The following ASTN1 variants were observed in gnomAD, a reference collection of about 807,000 sequenced individuals.
The protein encoded by ASTN1 is astrotactin 1, also known as astrotactin-1.
ASTN1 carries 41 observed loss-of-function variants against 140.7 expected under a neutral mutation model. The observed-to-expected ratio is 0.29, with a 90% CI of 0.23 to 0.38. ASTN1 has a LOEUF of 0.38. Among genes scored for constraint, ASTN1 ranks in the 10% least tolerant of loss-of-function variants. The pLI is 1.00. For missense variants in ASTN1, 1,479 were observed against 1,678.8 expected, an observed-to-expected ratio of 0.88 and a Z score of 2.08; for synonymous variants, 640 against 652.2, an observed-to-expected ratio of 0.98 and a Z score of 0.29.
intron 3 of ASTN1, 132 bp from the exon 4 acceptor site, chr1:177,031,084 T>C: frequency 1.0e-6 from 1 of 991,236 alleles, no homozygotes; most frequent in South Asian, 2.0e-5. Context: ...ACTGAGAGAC[T>C]GGCTGCAAGA....
intron 10 of ASTN1, 68 bp from the exon 11 acceptor site, chr1:176,957,896 A>C (rs906456828): frequency 2.6e-6 from 4 of 1,529,058 alleles, no homozygotes; most frequent in Non-Finnish European, 3.6e-6. Context: ...GTGGCATTAC[A>C]TTCCATGCTC....
chr1:176,952,014 G>C (rs964714078), intron 11 of ASTN1, among the ~76,000 whole-genome samples: 1 of 152,052 alleles, frequency 6.6e-6, no homozygotes, highest in East Asian at 1.9e-4. Context: ...ATCAGACTTC[G>C]GGCCTAGATT....
chr1:177,082,605 G>A (rs1486384627), intron 1 of ASTN1, among the ~76,000 whole-genome samples: 3 of 152,158 alleles, frequency 2.0e-5, no homozygotes, highest in Non-Finnish European at 4.4e-5. Context: ...TCAGCGCCAG[G>A]ATGTGGCCCT....
intron 1 of ASTN1, among the ~76,000 whole-genome samples, chr1:177,119,637 C>A (rs1290796859): frequency 6.6e-6 from 1 of 152,206 alleles, no homozygotes; most frequent in Non-Finnish European, 1.5e-5. Flanking sequence ...AACTTGAGGG[C>A]CAAAATGAAC....
chr1:176,900,283 TATATGTCCTACAG>T (rs1669709194), intron 16 of ASTN1, among the ~76,000 whole-genome samples: 2 of 152,132 alleles, frequency 1.3e-5, no homozygotes, highest in Admixed American at 6.6e-5. Context: ...GACATCTACT[TATATGTCCTACAG>T]ACACCTCAAA....
chr1:176,908,602 T>A (rs1670100068), intron 16 of ASTN1, among the ~76,000 whole-genome samples: 1 of 152,216 alleles, frequency 6.6e-6, no homozygotes, highest in Admixed American at 6.5e-5. Flanking sequence ...CATCATAAGA[T>A]GCTTAATCTC....
chr1:176,978,812 C>G (rs1019011083), intron 8 of ASTN1, among the ~76,000 whole-genome samples: 1 of 152,120 alleles, frequency 6.6e-6, no homozygotes, highest in Non-Finnish European at 1.5e-5. Flanking sequence ...AAACAGAAGA[C>G]AGTAAAAGCA....
chr1:177,108,174 C>A (rs1252449314), intron 1 of ASTN1, among the ~76,000 whole-genome samples: 1 of 151,550 alleles, frequency 6.6e-6, no homozygotes, highest in African/African-American at 2.4e-5. Flanking sequence ...ATGGTGAAAC[C>A]CCATCTCTAC....
Position 176,864,386 on chromosome 1 carries a change from G to A in ASTN1, c.3783C>T (p.Tyr1261=), listed in dbSNP as rs767306251. 13 of 1,613,968 alleles carry A rather than the reference G, an allele frequency of 8.1e-6. No individual in the cohort carries two copies. Among genetic ancestry groups the A allele is most frequent in the East Asian group, 6.7e-5 (3 of 44,880 alleles). Residue 1261 remains tyrosine (Y), a synonymous_variant, in exon 23 of 23, where the codon TAC becomes TAT. Coordinates refer to ENST00000361833, the MANE Select transcript of ASTN1 (RefSeq NM_004319.3). ...GGCTGAGCTCCGCCCAGTCAAGTCCGTAGGGTTTGATCTCGCTGTAGCGGC... is the reference window on the plus strand; with the variant it reads ...GGCTGAGCTCCGCCCAGTCAAGTCCATAGGGTTTGATCTCGCTGTAGCGGC... The part of the protein sequence containing the change: ...LGCRYSEIKP[Y]GLDWAELSRD...
intron 2 of ASTN1, among the ~76,000 whole-genome samples, chr1:177,051,019 G>T (rs190732885): frequency 4.2e-4 from 64 of 152,286 alleles, no homozygotes; most frequent in Admixed American, 9.1e-4. Flanking sequence ...TCAAGTCGAA[G>T]CATAGTTTTG....
chr1:177,080,707 T>C (rs1392478857), intron 1 of ASTN1, among the ~76,000 whole-genome samples: 5 of 152,214 alleles, frequency 3.3e-5, no homozygotes, highest in Non-Finnish European at 7.3e-5. Flanking sequence ...TTTATGTCCC[T>C]AATTCTGTTC....
intron 18 of ASTN1, among the ~76,000 whole-genome samples, chr1:176,886,238 GA>G (rs1669025492): frequency 6.6e-6 from 1 of 152,156 alleles, no homozygotes; most frequent in African/African-American, 2.4e-5. Flanking sequence ...TCAAGAAAAG[GA>G]AAGTCCTTAA....
chr1:176,897,595 T>C (rs1669576202), intron 16 of ASTN1, among the ~76,000 whole-genome samples: 1 of 152,118 alleles, frequency 6.6e-6, no homozygotes, highest in Non-Finnish European at 1.5e-5. Context: ...AAATCTCACT[T>C]TGGCACTGTA....
At chr1:177,161,763 T>C (rs1372930757) in intron 1 of ASTN1, among the ~76,000 whole-genome samples, 1 of 152,142 alleles carries the variant, frequency 6.6e-6, no homozygotes, top group East Asian at 1.9e-4. Context: ...TAATTTTTTT[T>C]TTCACTCAAA....
intron 8 of ASTN1, 125 bp from the exon 9 acceptor site, chr1:176,965,362 A>G (rs1672833465): frequency 2.5e-6 from 2 of 803,796 alleles, no homozygotes; most frequent in Non-Finnish European, 4.0e-6. Context: ...TCTGCCCTCA[A>G]GAAGCTCACT....
rs528253316 is a variant in ASTN1, at chr1:177,024,750, GC to G, written c.1121-19del. ...AGAACCCACTGAAAGTGAGACAAAA[GC>G]AAGATACATGGTGGTAAAAAGCTTG... On this transcript the variant is annotated intron_variant, in intron 5 of 22. Transcript: ENST00000361833. 6.2e-7 allele frequency: 1 copy of G among 1,610,014 alleles called. No homozygotes were observed. Among genetic ancestry groups the G allele is most frequent in the South Asian group, 1.1e-5 (1 of 90,798 alleles).
chr1:176,873,996 G>T (rs1306896821), intron 21 of ASTN1, among the ~76,000 whole-genome samples: 3 of 152,062 alleles, frequency 2.0e-5, no homozygotes, highest in African/African-American at 7.2e-5. Flanking sequence ...CATCCCTGTA[G>T]GTAGCATCAT....
chr1:177,061,145 T>C lies in ASTN1; in HGVS notation c.404A>G (p.Asp135Gly). The C allele has an allele frequency of 6.2e-7, 1 of 1,611,794 alleles. No individual in the cohort carries two copies. The highest frequency in any genetic ancestry group is 8.5e-7 in the Non-Finnish European group (1 of 1,179,066). The change falls in exon 2 of 23, where the codon GAC becomes GGC. Residue 135 changes from aspartate (D) to glycine (G), a missense_variant. Physicochemically the swap from Asp to Gly is moderately conservative, Grantham distance 94 (BLOSUM62 -1). This residue lies in a region of ASTN1 where 729 missense variants were observed against 860.4 expected (regional missense o/e 0.85). Transcript: ENST00000361833. ...QDGAPSLPGQ[D>G]PTEEPQHESA... is the part of the protein sequence containing the mutation. ...CTCATGTTGGGGTTCTTCAGTGGGG[T>C]CTTGTCCAGGAAGGCTTGGGGCACC...
At chr1:177,070,370 TA>T (rs1425593631) in intron 1 of ASTN1, among the ~76,000 whole-genome samples, 1 of 152,240 alleles carries the variant, frequency 6.6e-6, no homozygotes, top group African/African-American at 2.4e-5. Flanking sequence ...TTTCTGATCC[TA>T]AACGATTTCA....
Sources: gnomAD v4.1 joint callset for allele counts (sites outside exome capture counted in the v4.1 genomes callset) on GRCh38, gnomAD v4.1.1 for gene constraint, gnomAD v4.1.1 regional missense constraint, MANE v1.5 for transcripts, NCBI Gene and HGNC (gene_info 2026-07-23, HGNC 2026-07-21) for gene names.